SEMA5A: variants seen among roughly 807,000 people sequenced by gnomAD.
SEMA5A encodes the protein semaphorin-5A.
SEMA5A carries 55 observed loss-of-function variants against 135.5 expected under a neutral mutation model. That is an observed-to-expected ratio of 0.41 (90% confidence interval 0.33 to 0.51). SEMA5A has a LOEUF of 0.51. Among genes scored for constraint, SEMA5A ranks in the 20% least tolerant of loss-of-function variants. The pLI is 0.37. For synonymous variants in SEMA5A, 580 were observed against 546.5 expected, an observed-to-expected ratio of 1.06 and a Z score of -0.85; for missense variants, 1,290 against 1,419.9, an observed-to-expected ratio of 0.91 and a Z score of 1.47.
Position 9,379,816 on chromosome 5 carries a change from T to A in SEMA5A, c.124+7A>T. ...GGCTTTGCAATCAGTGCGTGCTGGTTCCTTACCTTTATAGGAGATGACTGG... is the reference window on the plus strand; with the variant it reads ...GGCTTTGCAATCAGTGCGTGCTGGTACCTTACCTTTATAGGAGATGACTGG... On this transcript the variant is annotated splice_region_variant and intron_variant, in intron 3 of 22. Coordinates refer to ENST00000382496, the MANE Select transcript of SEMA5A (RefSeq NM_003966.3). The A allele has an allele frequency of 6.2e-7, 1 of 1,613,574 alleles. No individual in the cohort carries two copies. The highest frequency in any genetic ancestry group is 1.1e-5 in the South Asian group (1 of 91,044).
chr5:9,520,758 A>G (rs1175104764), intron 1 of SEMA5A, among the ~76,000 whole-genome samples: 2 of 152,210 alleles, frequency 1.3e-5, no homozygotes, highest in African/African-American at 2.4e-5. Flanking sequence ...GACACAGCCA[A>G]ACTGAGGACA....
In SEMA5A at chr5:9,108,306, A is replaced by G. The variant is rs1283273762; in HGVS notation, c.1926-19T>C. 6.2e-7 allele frequency: 1 copy of G among 1,612,424 alleles called. No homozygotes were observed. Among genetic ancestry groups the G allele is most frequent in the Non-Finnish European group, 8.5e-7 (1 of 1,178,944 alleles). ...GCAGTATCTGTAATGAGGAAACCAA[A>G]ATGACAAGGAAACTAATTAGTGCCA... On this transcript the variant is annotated intron_variant, in intron 15 of 22. Coordinates refer to ENST00000382496, the MANE Select transcript of SEMA5A (RefSeq NM_003966.3).
chr5:9,140,345 A>T (rs1043297357), intron 12 of SEMA5A, among the ~76,000 whole-genome samples: 1 of 152,250 alleles, frequency 6.6e-6, no homozygotes, highest in Admixed American at 6.5e-5. Flanking sequence ...GAAGATGAGA[A>T]TAAACTATCA....
At chr5:9,460,759 A>ATGAT (rs1282528859) in intron 1 of SEMA5A, among the ~76,000 whole-genome samples, 1 of 152,162 alleles carries the variant, frequency 6.6e-6, no homozygotes, top group Non-Finnish European at 1.5e-5. Context: ...TATCCTTTTA[A>ATGAT]TGATAGTATA....
At chr5:9,456,718 A>G (rs1758849735) in intron 1 of SEMA5A, among the ~76,000 whole-genome samples, 1 of 152,168 alleles carries the variant, frequency 6.6e-6, no homozygotes, top group Admixed American at 6.5e-5. Flanking sequence ...TTAAAAATAA[A>G]CATTGTGATT....
At chr5:9,216,658 G>T (rs1426980145) in intron 8 of SEMA5A, among the ~76,000 whole-genome samples, 1 of 152,118 alleles carries the variant, frequency 6.6e-6, no homozygotes, top group Non-Finnish European at 1.5e-5. Context: ...ATGAATCTGG[G>T]TGCTACTGTG....
chr5:9,458,476 C>T (rs144173028), intron 1 of SEMA5A, among the ~76,000 whole-genome samples: 2,127 of 152,322 alleles, frequency 0.014, 19 homozygotes, highest in Non-Finnish European at 0.019. Context: ...GCTGCTCCTC[C>T]TCATAAGCAC....
At chr5:9,047,801 C>T (rs1283327822) in intron 21 of SEMA5A, among the ~76,000 whole-genome samples, 1 of 152,202 alleles carries the variant, frequency 6.6e-6, no homozygotes, top group Non-Finnish European at 1.5e-5. Context: ...AAATTCCATT[C>T]TGAATATCTC....
intron 4 of SEMA5A, among the ~76,000 whole-genome samples, chr5:9,320,096 C>G (rs1752560900): frequency 6.6e-6 from 1 of 152,168 alleles, no homozygotes; most frequent in South Asian, 2.1e-4. Flanking sequence ...AGGTTTCACA[C>G]AGTTTGCCTC....
rs184721688 is a variant in SEMA5A at position 9,157,542 on chromosome 5, C to T, written c.1274-2847G>A. 4.9e-3 allele frequency among the ~76,000 whole-genome samples: 751 copies of T among 152,284 alleles called. 7 individuals carry two copies. Among genetic ancestry groups the T allele is most frequent in the East Asian group, 0.027 (139 of 5,178 alleles). ...ACAGCTCACCTAGTTCTCGTCCACC[C>T]GCCCCTGTCATCCCTGCCACTCCTG... On this transcript the variant is annotated intron_variant, in intron 11 of 22. Transcript: ENST00000382496.
chr5:9,132,271 G>A (rs1741478761), intron 13 of SEMA5A, among the ~76,000 whole-genome samples: 1 of 152,166 alleles, frequency 6.6e-6, no homozygotes, highest in Non-Finnish European at 1.5e-5. Context: ...CTGGATAGCA[G>A]AGGATTTAAG....
intron 8 of SEMA5A, among the ~76,000 whole-genome samples, chr5:9,221,581 C>T (rs1223960228): frequency 1.3e-5 from 2 of 152,144 alleles, no homozygotes; most frequent in Admixed American, 6.5e-5. Context: ...GGATTACAGG[C>T]GTGAGCCACC....
intron 1 of SEMA5A, among the ~76,000 whole-genome samples, chr5:9,533,425 G>C (rs1306171654): frequency 6.6e-6 from 1 of 152,154 alleles, no homozygotes; most frequent in African/African-American, 2.4e-5. Context: ...CATAGTAAAA[G>C]ATTGTAAATA....
In SEMA5A at chr5:9,119,157, C is replaced by T; in HGVS notation, c.1782-16G>A. ...GCCTCCGTTCCTGAGGGAAGGGAAG[C>T]AATGCAATCATTAGGTCCCGCAGGC... On this transcript the variant is annotated splice_polypyrimidine_tract_variant and intron_variant, in intron 14 of 22. Coordinates refer to ENST00000382496, the MANE Select transcript of SEMA5A (RefSeq NM_003966.3). 2 of 1,611,810 alleles carry T rather than the reference C, an allele frequency of 1.2e-6. No homozygotes were observed. Among genetic ancestry groups the T allele is most frequent in the South Asian group, 1.1e-5 (1 of 90,384 alleles).
At chr5:9,288,906 T>A (rs1750930628) in intron 5 of SEMA5A, among the ~76,000 whole-genome samples, 1 of 152,180 alleles carries the variant, frequency 6.6e-6, no homozygotes, top group Non-Finnish European at 1.5e-5. Flanking sequence ...TTTTACCTCA[T>A]CCTTCAAACA....
At chr5:9,053,969 C>T in intron 19 of SEMA5A, 118 bp downstream of exon 19, 2 of 1,199,958 alleles carry the variant, frequency 1.7e-6, no homozygotes, top group East Asian at 2.5e-5. Context: ...ATGTTGCTAA[C>T]TTGCCCACCC....
chr5:9,371,090 CACA>C (rs1414503636), intron 3 of SEMA5A, among the ~76,000 whole-genome samples: 3 of 152,082 alleles, frequency 2.0e-5, no homozygotes, highest in African/African-American at 7.2e-5. Flanking sequence ...AATCAAATTG[CACA>C]ACTTTACTTA....
intron 2 of SEMA5A, among the ~76,000 whole-genome samples, chr5:9,437,158 G>T (rs1324972765): frequency 1.3e-5 from 2 of 152,286 alleles, no homozygotes; most frequent in East Asian, 3.9e-4. Context: ...AGAGGTAACT[G>T]CAGGAGACAA....
chr5:9,190,912 G>T (rs1360380454), intron 10 of SEMA5A, among the ~76,000 whole-genome samples: 1 of 152,176 alleles, frequency 6.6e-6, no homozygotes, highest in Non-Finnish European at 1.5e-5. Flanking sequence ...CTGCAGCAGG[G>T]GGTCTGTAAG....
Sources: gnomAD v4.1 joint callset for allele counts (sites outside exome capture counted in the v4.1 genomes callset) on GRCh38, gnomAD v4.1.1 for gene constraint, MANE v1.5 for transcripts, NCBI Gene and HGNC (gene_info 2026-07-23, HGNC 2026-07-21) for gene names.